Variants in AFG2A observed in about 807,000 individuals in gnomAD.
The protein encoded by AFG2A is AAA ATPase AFG2A.
the AFG2A span, among the ~76,000 whole-genome samples, chr4:123,095,051 A>ATATATATATATG: frequency 3.7e-4 from 20 of 54,714 alleles, no homozygotes; most frequent in African/African-American, 7.7e-4. Flanking sequence ...AAATATATAT[A>ATATATATATATG]TATATATATA....
the AFG2A span, among the ~76,000 whole-genome samples, chr4:123,002,180 T>G: frequency 6.6e-6 from 1 of 152,224 alleles, no homozygotes; most frequent in East Asian, 1.9e-4. Flanking sequence ...CATCCTTTTA[T>G]TTTGAGCCTG....
the AFG2A span, among the ~76,000 whole-genome samples, chr4:123,282,772 TA>T: frequency 0.016 from 2,303 of 143,590 alleles, 52 homozygotes; most frequent in African/African-American, 0.049. Flanking sequence ...TATTTAAAAT[TA>T]AAAAAAAAAA....
the AFG2A span, chr4:123,255,914 G>C: frequency 7.6e-7 from 1 of 1,322,608 alleles, no homozygotes. Flanking sequence ...ACGAATAATA[G>C]TGGATTGTTC....
chr4:122,937,218 C>T, the AFG2A span, among the ~76,000 whole-genome samples: 2 of 152,126 alleles, frequency 1.3e-5, no homozygotes, highest in Admixed American at 1.3e-4. Context: ...TTATGTTTGA[C>T]CAAGTTATAG....
At chr4:122,942,474 C>G in the AFG2A span, among the ~76,000 whole-genome samples, 6,209 of 148,882 alleles carry the variant, frequency 0.042, 423 homozygotes, top group African/African-American at 0.15. Context: ...GGGATCGGTG[C>G]TGATATCCCC....
the AFG2A span, among the ~76,000 whole-genome samples, chr4:123,167,360 G>A: frequency 6.6e-6 from 1 of 151,294 alleles, no homozygotes; most frequent in Admixed American, 6.6e-5. Flanking sequence ...TTGTTTGTTT[G>A]TTTTTGAGAC....
At chr4:123,182,652 T>A in the AFG2A span, among the ~76,000 whole-genome samples, 1 of 152,228 alleles carries the variant, frequency 6.6e-6, no homozygotes, top group Non-Finnish European at 1.5e-5. Flanking sequence ...TAGTTCTCTT[T>A]ATCTCCTTTG....
chr4:123,166,768 C>G, the AFG2A span, among the ~76,000 whole-genome samples: 1 of 152,118 alleles, frequency 6.6e-6, no homozygotes, highest in African/African-American at 2.4e-5. Flanking sequence ...TCAACTGTAA[C>G]TATGTCAAAT....
the AFG2A span, among the ~76,000 whole-genome samples, chr4:123,289,310 TC>T: frequency 6.6e-6 from 1 of 152,196 alleles, no homozygotes; most frequent in African/African-American, 2.4e-5. Flanking sequence ...TAGAATGACC[TC>T]CAGTTCCATC....
chr4:123,197,963 G>C, the AFG2A span, among the ~76,000 whole-genome samples: 1 of 151,656 alleles, frequency 6.6e-6, no homozygotes, highest in Non-Finnish European at 1.5e-5. Flanking sequence ...CTAACATCAT[G>C]GTGCATTAAG....
the AFG2A span, among the ~76,000 whole-genome samples, chr4:123,124,300 A>G: frequency 6.6e-6 from 1 of 152,208 alleles, no homozygotes; most frequent in Non-Finnish European, 1.5e-5. Context: ...ATGGAATACT[A>G]TGCAGCCATA....
chr4:123,074,130 G>A, the AFG2A span, among the ~76,000 whole-genome samples: 1 of 113,908 alleles, frequency 8.8e-6, no homozygotes, highest in Non-Finnish European at 1.7e-5. Context: ...GTCTCGCTCT[G>A]TTGCCCAGGC....
chr4:122,972,953 G>C, the AFG2A span, among the ~76,000 whole-genome samples: 2 of 151,812 alleles, frequency 1.3e-5, no homozygotes, highest in African/African-American at 4.8e-5. Context: ...TTTGTTTTTC[G>C]TATCTTCTGG....
chr4:123,028,217 G>A, the AFG2A span: 1 of 1,614,088 alleles, frequency 6.2e-7, no homozygotes, highest in South Asian at 1.1e-5. Flanking sequence ...GGACTGGAAA[G>A]TATCAAACTG....
At chr4:123,083,199 T>G in the AFG2A span, among the ~76,000 whole-genome samples, 1 of 152,170 alleles carries the variant, frequency 6.6e-6, no homozygotes, top group Admixed American at 6.5e-5. Context: ...CATCCTTGCC[T>G]TGTTCTTAAT....
chr4:123,213,442 A>AAT, the AFG2A span, among the ~76,000 whole-genome samples: 1 of 152,176 alleles, frequency 6.6e-6, no homozygotes. Flanking sequence ...CAAAACTACA[A>AAT]ATATATTTTT....
chr4:123,224,710 A>C, the AFG2A span, among the ~76,000 whole-genome samples: 1,173 of 152,142 alleles, frequency 7.7e-3, 10 homozygotes, highest in African/African-American at 0.026. Flanking sequence ...ATTTATAATC[A>C]TTTGGGTATA....
the AFG2A span, among the ~76,000 whole-genome samples, chr4:122,931,891 C>G: frequency 6.6e-6 from 1 of 152,140 alleles, no homozygotes; most frequent in African/African-American, 2.4e-5. Context: ...TTGGGGTACA[C>G]ATAAGTTTTT....
chr4:123,167,751 A>T, the AFG2A span, among the ~76,000 whole-genome samples: 4 of 152,224 alleles, frequency 2.6e-5, no homozygotes, highest in Non-Finnish European at 5.9e-5. Flanking sequence ...AACTACATTA[A>T]TTAAATGCTG....
Sources: gnomAD v4.1 joint callset for allele counts (sites outside exome capture counted in the v4.1 genomes callset) on GRCh38, gnomAD v4.1.1 for gene constraint, MANE v1.5 for transcripts, NCBI Gene and HGNC (gene_info 2026-07-23, HGNC 2026-07-21) for gene names.